The following TNNI1 variants were observed in gnomAD, a reference collection of about 807,000 sequenced individuals.
The protein encoded by TNNI1 is troponin I, slow skeletal muscle.
Under a neutral mutation model 26.7 loss-of-function variants are expected in TNNI1, and 14 were observed. That is an observed-to-expected ratio of 0.52 (90% CI 0.35 to 0.82). The LOEUF (loss-of-function observed/expected upper bound fraction) is 0.82. TNNI1 is among the 40% of genes least tolerant of loss of function. The pLI is 0.01. For synonymous variants in TNNI1, 79 were observed against 98.2 expected, an observed-to-expected ratio of 0.80 and a Z score of 1.16; for missense variants, 164 against 257.0, an observed-to-expected ratio of 0.64 and a Z score of 2.47.
At chr1:201,417,683 G>T in intron 2 of TNNI1, 100 bp downstream of exon 2, 1 of 1,089,954 alleles carries the variant, frequency 9.2e-7, no homozygotes, top group Non-Finnish European at 1.2e-6. Context: ...TTAGGGAAAA[G>T]CTTTGGGGGT....
At chr1:201,416,809 G>A (rs1318205993) in intron 3 of TNNI1, among the ~76,000 whole-genome samples, 3 of 152,190 alleles carry the variant, frequency 2.0e-5, no homozygotes, top group Non-Finnish European at 4.4e-5. Context: ...CTCAGAGTGG[G>A]TGAGGAAGAG....
intron 1 of TNNI1, 45 bp from the exon 2 acceptor site, chr1:201,417,857 C>T (rs1472013840): frequency 7.7e-6 from 10 of 1,300,504 alleles, no homozygotes. Flanking sequence ...GTGGAAACCC[C>T]TGCCCCTGCC....
intron 8 of TNNI1, 67 bp downstream of exon 8, chr1:201,410,259 T>C (rs997501383): frequency 6.4e-6 from 9 of 1,414,966 alleles, no homozygotes; most frequent in South Asian, 3.5e-5. Context: ...CGCCTGCCCA[T>C]TGTGGACTCC....
chr1:201,420,038 C>T (rs1662826449), intron 1 of TNNI1, among the ~76,000 whole-genome samples: 1 of 152,224 alleles, frequency 6.6e-6, no homozygotes, highest in Non-Finnish European at 1.5e-5. Flanking sequence ...TGCCAGTGTC[C>T]AGAGGGCACC....
At position 201,421,683 on chromosome 1, in the gene TNNI1, C is replaced by G. The variant is rs1469166855; in HGVS notation, c.-30G>C. Reference sequence around the variant, plus strand: ...GCTGCAGACGCTTACCTTGTTCAGTCCTCGTGGAGCTGGGCTGGCCTGTGC... The same window carrying G: ...GCTGCAGACGCTTACCTTGTTCAGTGCTCGTGGAGCTGGGCTGGCCTGTGC... On this transcript the variant is annotated 5_prime_UTR_variant, in exon 1 of 9. Coordinates refer to ENST00000361379, the MANE Select transcript of TNNI1 (RefSeq NM_003281.4). 1 of 152,256 alleles carries G rather than the reference C, an allele frequency of 6.6e-6. No individual in the cohort carries two copies. The highest frequency in any genetic ancestry group is 1.5e-5 in the Non-Finnish European group (1 of 68,104). 9.4% of individuals were successfully genotyped at this position (152,256 alleles called of 1,614,324 possible). A position where few individuals can be genotyped will look rare whatever the true frequency, so the allele number is the denominator to read the frequency against.
At chr1:201,417,743 T>C (rs1320128495) in intron 2 of TNNI1, 40 bp downstream of exon 2, 3 of 1,313,244 alleles carry the variant, frequency 2.3e-6, no homozygotes, top group Middle Eastern at 2.0e-4. Flanking sequence ...GCAAAGGGAC[T>C]TGCCTTCCTG....
chr1:201,416,661 C>T (rs898155508), intron 3 of TNNI1, among the ~76,000 whole-genome samples: 2 of 152,204 alleles, frequency 1.3e-5, no homozygotes, highest in Non-Finnish European at 2.9e-5. Context: ...TTAAGGACAT[C>T]TCTTTGCTCC....
At chr1:201,410,607 G>A (rs563101319) in intron 7 of TNNI1, among the ~76,000 whole-genome samples, 172 bp from the exon 8 acceptor site, 27 of 152,322 alleles carry the variant, frequency 1.8e-4, no homozygotes, top group Admixed American at 9.8e-4. Flanking sequence ...AGGCCAAGCC[G>A]AGGCCCCACA....
chr1:201,413,948 G>A (rs1049724760), intron 5 of TNNI1, among the ~76,000 whole-genome samples: 1 of 152,192 alleles, frequency 6.6e-6, no homozygotes, highest in South Asian at 2.1e-4. Flanking sequence ...ATGAGCCACT[G>A]TGCCCAGCAA....
Position 201,406,346 on chromosome 1 carries a change from C to T in TNNI1, c.*2907G>A, listed in dbSNP as rs572920987. ...ATCACATATTACTATTATTGAAATGCTGTTATTAAAATAGTCGATAAGAGT... is the reference window on the plus strand; with the variant it reads ...ATCACATATTACTATTATTGAAATGTTGTTATTAAAATAGTCGATAAGAGT... On this transcript the variant is annotated 3_prime_UTR_variant, in exon 9 of 9. Transcript: ENST00000361379. 6.6e-6 allele frequency: 1 copy of T among 152,170 alleles called. No homozygotes were observed. Among genetic ancestry groups the T allele is most frequent in the Non-Finnish European group, 1.5e-5 (1 of 68,036 alleles). 9.4% of individuals were successfully genotyped at this position (152,170 alleles called of 1,614,324 possible). A position where few individuals can be genotyped will look rare whatever the true frequency, so the allele number is the denominator to read the frequency against.
chr1:201,411,503 G>A lies in TNNI1; in HGVS notation c.310C>T (p.Leu104Phe). 1 of 1,607,250 alleles carries A rather than the reference G, an allele frequency of 6.2e-7. No individual in the cohort carries two copies. Among genetic ancestry groups the A allele is most frequent in the Non-Finnish European group, 8.5e-7 (1 of 1,177,226 alleles). Residue 104 changes from leucine (L) to phenylalanine (F), a missense_variant, in exon 7 of 9, where the codon CTC becomes TTC. This residue lies in a region of TNNI1 where 117 missense variants were observed against 158.7 expected (regional missense o/e 0.74). Transcript: ENST00000361379. This position sits in a 1 kb window ranked among gnomAD's most constrained non-coding sequence, Gnocchi z 4.6. Reference sequence around the variant, plus strand: ...GGCGGGCGCTTGAACTTCCCACGGAGGTCCATCACCTTCAGCTTCAGGTCC... The same window carrying A: ...GGCGGGCGCTTGAACTTCCCACGGAAGTCCATCACCTTCAGCTTCAGGTCC... ...IKDLKLKVMDLRGKFKRPPLR... is the reference protein window; with the variant it reads ...IKDLKLKVMDFRGKFKRPPLR...
intron 2 of TNNI1, 179 bp downstream of exon 2, chr1:201,417,604 A>G (rs1264503986): frequency 3.5e-5 from 17 of 491,496 alleles, no homozygotes; most frequent in Non-Finnish European, 5.4e-5. Flanking sequence ...GTTCTGCTCA[A>G]TGGCTGGGAG....
rs16848538 is a variant in TNNI1 at position 201,414,447 on chromosome 1, C to T, written c.189+71G>A. 4.4e-3 allele frequency: 6,088 copies of T among 1,375,194 alleles called. 185 individuals carry two copies. The African/African-American group carries it at 0.076, about 17-fold the overall frequency. 85.2% of individuals were successfully genotyped at this position (1,375,194 alleles called of 1,614,324 possible). A position where few individuals can be genotyped will look rare whatever the true frequency, so the allele number is the denominator to read the frequency against. On this transcript the variant is annotated intron_variant, in intron 5 of 8. Coordinates refer to ENST00000361379, the MANE Select transcript of TNNI1 (RefSeq NM_003281.4). ...AGCTGGTGTTAGTTCAGGCTCCTGC[C>T]GCCTGGTCCTTGGAGCCACCCACAC... is the stretch of plus-strand genomic sequence containing the variant.
At chr1:201,417,223 G>T (rs534299787) in intron 2 of TNNI1, 104 bp from the exon 3 acceptor site, 3 of 1,455,182 alleles carry the variant, frequency 2.1e-6, no homozygotes, top group East Asian at 2.3e-5. Flanking sequence ...AGACCAGCTT[G>T]GGGGAGGAGG....
Position 201,407,408 on chromosome 1 carries a change from T to G in TNNI1, c.*1845A>C, listed in dbSNP as rs1032476938. On this transcript the variant is annotated 3_prime_UTR_variant, in exon 9 of 9. Coordinates refer to ENST00000361379, the MANE Select transcript of TNNI1 (RefSeq NM_003281.4). The stretch of plus-strand genomic sequence containing the variant: ...ACTGACCTATTTATAGCAAGAACCC[T>G]GGGCAGAGTGCTGCTTCCCCTAAGG... The G allele has an allele frequency of 6.6e-6, 1 of 152,262 alleles. No individual in the cohort carries two copies. The highest frequency in any genetic ancestry group is 2.4e-5 in the African/African-American group (1 of 41,468). 9.4% of individuals were successfully genotyped at this position (152,262 alleles called of 1,614,324 possible).
intron 5 of TNNI1, among the ~76,000 whole-genome samples, chr1:201,413,430 A>AAACAAAC (rs113503132): frequency 0.34 from 51,508 of 151,178 alleles, 11,010 homozygotes; most frequent in Non-Finnish European, 0.49. Context: ...CCGTCTCAAA[A>AAACAAAC]AAACAAACAA....
At chr1:201,418,274 G>T (rs1219083172) in intron 1 of TNNI1, among the ~76,000 whole-genome samples, 2 of 151,852 alleles carry the variant, frequency 1.3e-5, no homozygotes, top group Non-Finnish European at 2.9e-5. Flanking sequence ...TTCAAGACCA[G>T]CCTGGCCAAT....
At chr1:201,414,451 TG>T in intron 5 of TNNI1, 66 bp downstream of exon 5, 1 of 1,402,780 alleles carries the variant, frequency 7.1e-7, no homozygotes, top group Non-Finnish European at 9.5e-7. Flanking sequence ...TCCTGCCGCC[TG>T]GTCCTTGGAG....
intron 6 of TNNI1, 49 bp downstream of exon 6, chr1:201,412,983 C>A: frequency 1.9e-6 from 3 of 1,583,282 alleles, no homozygotes; most frequent in Non-Finnish European, 2.6e-6. Flanking sequence ...CGTGCCCATG[C>A]CCCTGCCCAA....
Sources: allele counts gnomAD v4.1 joint callset (sites outside exome capture counted in the v4.1 genomes callset), GRCh38; gene constraint gnomAD v4.1.1; regional missense constraint gnomAD v4.1.1; non-coding constraint Gnocchi (gnomAD v3.1); transcripts MANE v1.5; gene names NCBI Gene and HGNC (gene_info 2026-07-23, HGNC 2026-07-21).